The following SLC45A4 variants were observed in gnomAD, a reference collection of about 807,000 sequenced individuals.
The protein encoded by SLC45A4 is solute carrier family 45 member 4, also known as polyamine-transporter SLC45A4.
A neutral mutation model predicts 63.7 loss-of-function variants in SLC45A4; 32 were observed. The ratio of observed to expected loss-of-function variants is 0.50; its 90% CI spans 0.38 to 0.67. The LOEUF is 0.67. Among genes scored for constraint, SLC45A4 ranks in the 30% least tolerant of loss-of-function variants. The pLI is 0.00. For synonymous variants in SLC45A4, 535 were observed against 510.0 expected (o/e 1.05, Z -0.66); for missense variants, 1,027 against 1,157.7 (o/e 0.89, Z 1.64).
At chr8:141,298,479 C>T (rs1467267103) in intron 1 of SLC45A4, among the ~76,000 whole-genome samples, 1 of 152,210 alleles carries the variant, frequency 6.6e-6, no homozygotes, top group Non-Finnish European at 1.5e-5. Flanking sequence ...AGGCCCAGTC[C>T]CCTGCTAGCT....
intron 1 of SLC45A4, among the ~76,000 whole-genome samples, chr8:141,255,030 G>A (rs962165342): frequency 1.3e-5 from 2 of 152,172 alleles, no homozygotes; most frequent in Non-Finnish European, 2.9e-5. Context: ...AGGGAAGTAA[G>A]GAGGTGAAGG....
chr8:141,215,672 C>G lies in SLC45A4; in HGVS notation c.1941+87G>C. The G allele has an allele frequency of 7.1e-7, 1 of 1,403,860 alleles. No homozygotes were observed. Among genetic ancestry groups the G allele is most frequent in the Non-Finnish European group, 9.9e-7 (1 of 1,009,138 alleles). 87.0% of individuals were successfully genotyped at this position (1,403,860 alleles called of 1,614,324 possible). Reference sequence around the variant, plus strand: ...AGGGCCATCTGTGTCGTGAACGTCCCCCCGGGGAAGCACAGGGCTCTGCTC... The same window carrying G: ...AGGGCCATCTGTGTCGTGAACGTCCGCCCGGGGAAGCACAGGGCTCTGCTC... On this transcript the variant is annotated intron_variant, in intron 7 of 8. Transcript: ENST00000517878. This position sits in a 1 kb window ranked among gnomAD's most constrained non-coding sequence, Gnocchi z 4.3.
At chr8:141,239,875 C>T (rs1057356638) in intron 2 of SLC45A4, among the ~76,000 whole-genome samples, 4 of 152,198 alleles carry the variant, frequency 2.6e-5, no homozygotes, top group Admixed American at 6.5e-5. Flanking sequence ...CAGCACCCAG[C>T]ATAGAATGGT....
intron 2 of SLC45A4, among the ~76,000 whole-genome samples, chr8:141,246,208 A>G (rs998237517): frequency 6.6e-6 from 1 of 152,196 alleles, no homozygotes; most frequent in African/African-American, 2.4e-5. Flanking sequence ...ATACAGGGGG[A>G]AGCAGTGCAA....
At chr8:141,272,497 C>T (rs923603180) in intron 1 of SLC45A4, among the ~76,000 whole-genome samples, 21 of 152,236 alleles carry the variant, frequency 1.4e-4, no homozygotes, top group African/African-American at 3.4e-4. Context: ...ACCCACAGTA[C>T]CCGCTGTCAG....
intron 1 of SLC45A4, among the ~76,000 whole-genome samples, chr8:141,276,635 T>A (rs1241872207): frequency 6.6e-6 from 1 of 152,112 alleles, no homozygotes; most frequent in Non-Finnish European, 1.5e-5. Context: ...CGCCCACGCC[T>A]CTGCACAGCA....
At chr8:141,255,843 C>T (rs1047136647) in intron 1 of SLC45A4, among the ~76,000 whole-genome samples, 2 of 152,190 alleles carry the variant, frequency 1.3e-5, no homozygotes, top group African/African-American at 4.8e-5. Flanking sequence ...TACCCAAAGG[C>T]ACCTGGACTC....
chr8:141,275,589 A>AT (rs932935552), intron 1 of SLC45A4, among the ~76,000 whole-genome samples: 1 of 151,636 alleles, frequency 6.6e-6, no homozygotes, highest in African/African-American at 2.4e-5. Context: ...AGCCTGGGCA[A>AT]TATAGTGAGA....
At chr8:141,259,480 C>A (rs1828961902) in intron 1 of SLC45A4, among the ~76,000 whole-genome samples, 1 of 152,226 alleles carries the variant, frequency 6.6e-6, no homozygotes. Flanking sequence ...CTGAGCTTGG[C>A]TCTGCCCACA....
In SLC45A4 at chr8:141,211,289, A is replaced by G; in HGVS notation, c.*283T>C. On this transcript the variant is annotated 3_prime_UTR_variant, in exon 9 of 9. Coordinates refer to ENST00000517878, the MANE Select transcript of SLC45A4 (RefSeq NM_001286646.2). ...GTCTGGAGGGGCAACCTGGCCTCCT[A>G]GGAGAGTCCTTCAGACGGGACGAGC... is the stretch of plus-strand genomic sequence containing the variant. 2.4e-6 allele frequency: 2 copies of G among 848,240 alleles called. No homozygotes were observed. Among genetic ancestry groups the G allele is most frequent in the Non-Finnish European group, 3.4e-6 (2 of 592,766 alleles). 52.5% of individuals were successfully genotyped at this position (848,240 alleles called of 1,614,324 possible).
intron 1 of SLC45A4, among the ~76,000 whole-genome samples, chr8:141,289,211 T>C (rs1589856148): frequency 6.6e-6 from 1 of 151,354 alleles, no homozygotes; most frequent in African/African-American, 2.4e-5. Context: ...GGCGGGGGAG[T>C]GCACACTGCA....
At position 141,215,212 on chromosome 8, in the gene SLC45A4, T is replaced by C. The variant is rs918010300; in HGVS notation, c.1941+547A>G. ...GAGATAAAGCTCGTCTCATGTGTGA[T>C]GTGCTGTGATGTAACATACACACAA... On this transcript the variant is annotated intron_variant, in intron 7 of 8. Transcript: ENST00000517878. The surrounding 1 kb of genome is among the most constrained non-coding windows in gnomAD (Gnocchi z 4.3). Among the ~76,000 whole-genome samples the C allele has an allele frequency of 4.6e-5, 7 of 152,258 alleles. No homozygotes were observed. The highest frequency in any genetic ancestry group is 1.9e-4 in the East Asian group (1 of 5,206).
At chr8:141,268,749 C>G (rs542675694) in intron 1 of SLC45A4, among the ~76,000 whole-genome samples, 1 of 152,274 alleles carries the variant, frequency 6.6e-6, no homozygotes, top group Admixed American at 6.5e-5. Context: ...TAAGGGGCAT[C>G]CATGCTGACT....
intron 7 of SLC45A4, 120 bp from the exon 8 acceptor site, chr8:141,212,676 T>C (rs1825913074): frequency 8.0e-7 from 1 of 1,255,470 alleles, no homozygotes; most frequent in Non-Finnish European, 1.1e-6. Flanking sequence ...ACCGAGTCTC[T>C]TGGCAACCAC....
intron 1 of SLC45A4, among the ~76,000 whole-genome samples, chr8:141,257,962 C>A (rs913733522): frequency 6.6e-6 from 1 of 152,070 alleles, no homozygotes; most frequent in Non-Finnish European, 1.5e-5. Context: ...CAAGACCAGA[C>A]ACTGAAGCTT....
intron 2 of SLC45A4, among the ~76,000 whole-genome samples, chr8:141,245,449 C>T (rs114768684): frequency 1.9e-3 from 286 of 152,276 alleles, no homozygotes; most frequent in African/African-American, 6.5e-3. Context: ...GAACAATGGG[C>T]CTTCCGCTCC....
chr8:141,294,752 T>C lies in SLC45A4; in HGVS notation c.-401+13344A>G, dbSNP rs568479857. 1.7e-3 allele frequency among the ~76,000 whole-genome samples: 257 copies of C among 152,290 alleles called. 2 individuals are homozygous for C. Among genetic ancestry groups the C allele is most frequent in the African/African-American group, 5.9e-3 (244 of 41,576 alleles). ...GCAGCACAAGAGAGGGGAGCGGCGG[T>C]GCTGAGCCCCAGGCCCAGTTGGTGC... is the stretch of plus-strand genomic sequence containing the variant. On this transcript the variant is annotated intron_variant, in intron 1 of 8. Coordinates refer to ENST00000517878, the MANE Select transcript of SLC45A4 (RefSeq NM_001286646.2).
intron 2 of SLC45A4, among the ~76,000 whole-genome samples, chr8:141,238,380 C>T (rs1026003977): frequency 2.0e-5 from 3 of 152,146 alleles, no homozygotes; most frequent in Non-Finnish European, 4.4e-5. Context: ...GGGCGGTGAG[C>T]GCACTTAGAC....
Position 141,271,920 on chromosome 8 carries a change from G to T in SLC45A4, c.-400-17291C>A, listed in dbSNP as rs556523249. 3.8e-3 allele frequency among the ~76,000 whole-genome samples: 574 copies of T among 151,730 alleles called. 8 individuals carry two copies. Among genetic ancestry groups the T allele is most frequent in the African/African-American group, 0.013 (546 of 41,300 alleles). ...CGTACACATACATGCGCTCACACGT[G>T]TGCAACACACACCTGCATTCACACA... On this transcript the variant is annotated intron_variant, in intron 1 of 8. Transcript: ENST00000517878.
Sources: gnomAD v4.1 joint callset for allele counts (sites outside exome capture counted in the v4.1 genomes callset) on GRCh38, gnomAD v4.1.1 for gene constraint, Gnocchi (gnomAD v3.1) non-coding constraint, MANE v1.5 for transcripts, NCBI Gene and HGNC (gene_info 2026-07-23, HGNC 2026-07-21) for gene names.